PGBD5: variants seen among roughly 807,000 people sequenced by gnomAD.
The protein encoded by PGBD5 is piggyBac transposable element-derived protein 5.
A neutral mutation model predicts 47.9 loss-of-function variants in PGBD5; 14 were observed. The observed-to-expected ratio is 0.29, with a 90% CI of 0.19 to 0.46. PGBD5 has a LOEUF of 0.46. Among genes scored for constraint, PGBD5 ranks in the 20% least tolerant of loss-of-function variants. The pLI is 1.00. For missense variants in PGBD5, 635 were observed against 716.0 expected (o/e 0.89, Z 1.29); for synonymous variants, 316 against 306.3 (o/e 1.03, Z -0.33).
chr1:230,396,559 G>GCCCCCCCCCCCCCCCCCC (rs61206058), intron 1 of PGBD5, among the ~76,000 whole-genome samples: 1 of 117,564 alleles, frequency 8.5e-6, no homozygotes, highest in Non-Finnish European at 1.7e-5. Context: ...ACATTTTGTT[G>GCCCCCCCCCCCCCCCCCC]CCCCCCCTCC....
chr1:230,382,715 G>A (rs990624782), intron 1 of PGBD5, among the ~76,000 whole-genome samples: 2 of 152,140 alleles, frequency 1.3e-5, no homozygotes, highest in Admixed American at 6.5e-5. Flanking sequence ...GATTTTTATA[G>A]GAGAAAAAGC....
At chr1:230,424,663 C>G (rs1657732028) in intron 1 of PGBD5, among the ~76,000 whole-genome samples, 1 of 152,248 alleles carries the variant, frequency 6.6e-6, no homozygotes, top group Non-Finnish European at 1.5e-5. Context: ...CTCATCAACA[C>G]CGGTTGCGCG....
chr1:230,371,242 A>T (rs984910399), intron 1 of PGBD5, among the ~76,000 whole-genome samples: 15 of 152,148 alleles, frequency 9.9e-5, no homozygotes, highest in African/African-American at 3.6e-4. Flanking sequence ...TAAGCTTGCA[A>T]TTATGCAGTT....
intron 1 of PGBD5, among the ~76,000 whole-genome samples, chr1:230,376,884 C>G (rs1668022090): frequency 6.6e-6 from 1 of 152,204 alleles, no homozygotes; most frequent in Admixed American, 6.5e-5. Context: ...AGGGATAATC[C>G]TCCTTTGCTC....
chr1:230,389,458 C>G lies in PGBD5; in HGVS notation c.332-32137G>C, dbSNP rs542284721. Among the ~76,000 whole-genome samples the G allele has an allele frequency of 8.5e-5, 13 of 152,326 alleles. No homozygotes were observed. The South Asian group carries it at 2.7e-3, about 32-fold the overall frequency. ...AAAGTGCTGGGATTACAGGCTTGAG[C>G]CACCACGCCCAGCTGACATTTTTCT... On this transcript the variant is annotated intron_variant, in intron 1 of 6. Transcript: ENST00000391860.
chr1:230,422,828 G>T (rs1169831987), intron 1 of PGBD5, among the ~76,000 whole-genome samples: 1 of 151,906 alleles, frequency 6.6e-6, no homozygotes, highest in Non-Finnish European at 1.5e-5. Context: ...TTTAGGGCTG[G>T]CACGGGAACT....
chr1:230,389,722 G>A (rs1425779685), intron 1 of PGBD5, among the ~76,000 whole-genome samples: 1 of 152,188 alleles, frequency 6.6e-6, no homozygotes, highest in Non-Finnish European at 1.5e-5. Flanking sequence ...AATATAAAAA[G>A]TAGGTTGAAA....
intron 1 of PGBD5, among the ~76,000 whole-genome samples, chr1:230,399,893 C>T (rs777087638): frequency 2.6e-5 from 4 of 152,252 alleles, no homozygotes; most frequent in Non-Finnish European, 4.4e-5. Flanking sequence ...GGCGTCTCAT[C>T]GTCTCCACCA....
intron 5 of PGBD5, among the ~76,000 whole-genome samples, chr1:230,330,267 G>C (rs1246456743): frequency 2.6e-5 from 4 of 152,208 alleles, no homozygotes; most frequent in African/African-American, 9.6e-5. Context: ...AGGCATCTGT[G>C]CCCGCTGCGA....
At chr1:230,352,395 G>C (rs888107841) in intron 2 of PGBD5, among the ~76,000 whole-genome samples, 3 of 152,150 alleles carry the variant, frequency 2.0e-5, no homozygotes, top group Non-Finnish European at 4.4e-5. Flanking sequence ...AAGCTCCCAG[G>C]TGATGGCAGA....
intron 5 of PGBD5, among the ~76,000 whole-genome samples, chr1:230,327,803 G>A (rs543598278): frequency 1.3e-5 from 2 of 152,322 alleles, no homozygotes; most frequent in African/African-American, 4.8e-5. Context: ...TCCTGTCCCC[G>A]GCCCCTTATC....
At chr1:230,365,676 A>G (rs1667817496) in intron 1 of PGBD5, among the ~76,000 whole-genome samples, 1 of 152,218 alleles carries the variant, frequency 6.6e-6, no homozygotes, top group African/African-American at 2.4e-5. Flanking sequence ...CGGAAAATAA[A>G]GGCTGGCTGA....
chr1:230,360,693 C>T (rs12755630), intron 1 of PGBD5, among the ~76,000 whole-genome samples: 44,365 of 152,044 alleles, frequency 0.29, 7,107 homozygotes, highest in Admixed American at 0.36. Flanking sequence ...CGAAACCATG[C>T]GAACTGTGAG....
Position 230,363,411 on chromosome 1 carries a change from G to A in PGBD5, c.332-6090C>T, listed in dbSNP as rs184103074. Among the ~76,000 whole-genome samples the A allele has an allele frequency of 4.9e-3, 749 of 152,156 alleles. 6 individuals are homozygous for A. Among genetic ancestry groups the A allele is most frequent in the African/African-American group, 0.017 (724 of 41,516 alleles). On this transcript the variant is annotated intron_variant, in intron 1 of 6. Coordinates refer to ENST00000391860, the MANE Select transcript of PGBD5 (RefSeq NM_001258311.2). ...AGCCTGGCCAATATGGTGAAATCCC[G>A]TCTCTACTAAAAATACAAAAATTAG...
rs562311305 is a variant in PGBD5 at position 230,315,956 on chromosome 1, AAG to A, written c.*7467_*7468del. The A allele has an allele frequency of 3.8e-4, 37 of 98,536 alleles. 2 individuals carry two copies. Among genetic ancestry groups the A allele is most frequent in the African/African-American group, 1.0e-3 (32 of 31,676 alleles). 6.1% of individuals were successfully genotyped at this position (98,536 alleles called of 1,614,324 possible). ...CATATATGTATGTGTATACATACAT[AAG>A]TATATGTGTACACATATATGTATGT... is the stretch of plus-strand genomic sequence containing the variant. On this transcript the variant is annotated 3_prime_UTR_variant, in exon 7 of 7. Coordinates refer to ENST00000391860, the MANE Select transcript of PGBD5 (RefSeq NM_001258311.2).
chr1:230,401,849 T>C (rs1023020087), intron 1 of PGBD5, among the ~76,000 whole-genome samples: 1 of 152,158 alleles, frequency 6.6e-6, no homozygotes, highest in African/African-American at 2.4e-5. Flanking sequence ...ACACACCTCC[T>C]GGCACACCAA....
At chr1:230,414,003 C>A (rs1657465183) in intron 1 of PGBD5, among the ~76,000 whole-genome samples, 1 of 152,178 alleles carries the variant, frequency 6.6e-6, no homozygotes, top group Non-Finnish European at 1.5e-5. Flanking sequence ...GTTAAAATTT[C>A]TACCTCTGCA....
At chr1:230,404,625 A>ATATATAT (rs1553290460) in intron 1 of PGBD5, among the ~76,000 whole-genome samples, 1 of 125,988 alleles carries the variant, frequency 7.9e-6, no homozygotes, top group African/African-American at 3.1e-5. Context: ...AAAAAAAAAA[A>ATATATAT]AAAAATATAT....
chr1:230,351,743 C>T (rs1402078362), intron 2 of PGBD5, among the ~76,000 whole-genome samples: 2 of 152,206 alleles, frequency 1.3e-5, no homozygotes, highest in Admixed American at 6.5e-5. Context: ...TTGCAACACA[C>T]AGCCTCTGGT....
Sources: allele counts gnomAD v4.1 joint callset (sites outside exome capture counted in the v4.1 genomes callset), GRCh38; gene constraint gnomAD v4.1.1; transcripts MANE v1.5; gene names NCBI Gene and HGNC (gene_info 2026-07-23, HGNC 2026-07-21).